The following SLC2A13 variants were observed in gnomAD, a reference collection of about 807,000 sequenced individuals.
SLC2A13 encodes the protein proton myo-inositol cotransporter.
Under a neutral mutation model 64.4 loss-of-function variants are expected in SLC2A13, and 32 were observed. The observed-to-expected ratio is 0.50, with a 90% CI of 0.37 to 0.67. The LOEUF is 0.67. Ranked by LOEUF, SLC2A13 falls within the 30% of genes least tolerant of loss-of-function variation. The pLI, the probability that SLC2A13 is intolerant of heterozygous loss-of-function variation, is 0.00. For missense variants in SLC2A13, 743 were observed against 829.2 expected, an observed-to-expected ratio of 0.90 and a Z score of 1.28; for synonymous variants, 338 against 327.1, an observed-to-expected ratio of 1.03 and a Z score of -0.36.
chr12:40,063,088 C>A (rs946338815), intron 1 of SLC2A13, among the ~76,000 whole-genome samples: 3 of 152,082 alleles, frequency 2.0e-5, no homozygotes, highest in African/African-American at 4.8e-5. Flanking sequence ...TCTATTAATA[C>A]CATTTTCCGG....
intron 6 of SLC2A13, among the ~76,000 whole-genome samples, chr12:39,837,599 A>C (rs1943049157): frequency 6.8e-6 from 1 of 147,898 alleles, no homozygotes; most frequent in Non-Finnish European, 1.5e-5. Context: ...CATCTGACAA[A>C]GGGCTAATAT....
chr12:39,809,628 G>A (rs1942083486), intron 7 of SLC2A13, among the ~76,000 whole-genome samples: 1 of 152,096 alleles, frequency 6.6e-6, no homozygotes, highest in South Asian at 2.1e-4. Context: ...TTAGCATCAG[G>A]TATATCTCCT....
At chr12:39,837,729 C>A (rs1431127519) in intron 6 of SLC2A13, among the ~76,000 whole-genome samples, 1 of 152,184 alleles carries the variant, frequency 6.6e-6, no homozygotes, top group African/African-American at 2.4e-5. Flanking sequence ...AACCAAAAAA[C>A]ACATGAAAAA....
chr12:39,917,066 A>ATAGTGTTT (rs1316312482), intron 4 of SLC2A13, among the ~76,000 whole-genome samples: 17 of 152,254 alleles, frequency 1.1e-4, no homozygotes, highest in South Asian at 4.1e-4. Context: ...CTATGCTGGC[A>ATAGTGTTT]GCAAAACCAA....
intron 3 of SLC2A13, among the ~76,000 whole-genome samples, chr12:39,963,654 G>A (rs1565564613): frequency 6.6e-6 from 1 of 152,122 alleles, no homozygotes; most frequent in African/African-American, 2.4e-5. Context: ...AAGAAATCAA[G>A]TATTCTTGAA....
intron 1 of SLC2A13, among the ~76,000 whole-genome samples, chr12:40,104,625 G>A (rs1001128018): frequency 6.6e-6 from 1 of 152,220 alleles, no homozygotes; most frequent in African/African-American, 2.4e-5. Flanking sequence ...AGAGGAGAAT[G>A]GAATTTACTT....
At chr12:39,813,239 G>C (rs1221965848) in intron 7 of SLC2A13, among the ~76,000 whole-genome samples, 2 of 151,294 alleles carry the variant, frequency 1.3e-5, no homozygotes, top group Non-Finnish European at 2.9e-5. Context: ...TTGTTTCTTA[G>C]CTATCTTAAA....
At chr12:39,796,253 T>G (rs76659626) in intron 7 of SLC2A13, among the ~76,000 whole-genome samples, 2,173 of 151,980 alleles carry the variant, frequency 0.014, 55 homozygotes, top group African/African-American at 0.047. Context: ...CTGATCTGAG[T>G]GTGACCATGT....
At chr12:40,020,996 G>A (rs1003613782) in intron 3 of SLC2A13, among the ~76,000 whole-genome samples, 24 of 151,688 alleles carry the variant, frequency 1.6e-4, no homozygotes, top group Non-Finnish European at 2.8e-4. Context: ...CGGTAAGTGG[G>A]AAAAAAGAGA....
At chr12:39,862,797 C>A (rs1460659360) in intron 6 of SLC2A13, among the ~76,000 whole-genome samples, 2 of 152,092 alleles carry the variant, frequency 1.3e-5, no homozygotes, top group African/African-American at 4.8e-5. Context: ...GTGTAATGAT[C>A]AAATCAGGGT....
chr12:39,966,892 C>G (rs1946527537), intron 3 of SLC2A13, among the ~76,000 whole-genome samples: 1 of 152,136 alleles, frequency 6.6e-6, no homozygotes, highest in Non-Finnish European at 1.5e-5. Context: ...AATCTTTGAA[C>G]ATGACACAAA....
At position 39,944,419 on chromosome 12, in the gene SLC2A13, C is replaced by T. The variant is rs779515201; in HGVS notation, c.1034+6838G>A. ...CTTTGTTGACTTTTTGTCTTGATGA[C>T]CTGTCTAGTGCTGTCAGTGGAGTAC... is the stretch of plus-strand genomic sequence containing the variant. On this transcript the variant is annotated intron_variant, in intron 4 of 9. Coordinates refer to ENST00000280871, the MANE Select transcript of SLC2A13 (RefSeq NM_052885.4). 6.0e-4 allele frequency among the ~76,000 whole-genome samples: 91 copies of T among 152,180 alleles called. 1 individual carries two copies. Among genetic ancestry groups the T allele is most frequent in the Non-Finnish European group, 1.3e-4 (9 of 68,030 alleles).
intron 4 of SLC2A13, chr12:39,907,929 A>G (rs1312424077): frequency 6.9e-6 from 1 of 144,230 alleles, no homozygotes; most frequent in Non-Finnish European, 1.5e-5. Context: ...GGCACTTTCC[A>G]CCTTTACAAC....
At chr12:39,875,353 C>T (rs1416776823) in intron 4 of SLC2A13, among the ~76,000 whole-genome samples, 1 of 152,212 alleles carries the variant, frequency 6.6e-6, no homozygotes, top group East Asian at 1.9e-4. Flanking sequence ...CATGCTACTT[C>T]ACTATGACCT....
At position 40,047,942 on chromosome 12, in the gene SLC2A13, CAAT is replaced by C. The variant is rs1276949296; in HGVS notation, c.716+106_716+108del. On this transcript the variant is annotated intron_variant, in intron 2 of 9. Transcript: ENST00000280871. ...TGAATGTCACCTACTTATAAATTAG[CAAT>C]AATGATTCAAAACACACAGCTATAT... The C allele has an allele frequency of 1.5e-5, 15 of 1,016,536 alleles. No individual in the cohort carries two copies. In the East Asian group the frequency reaches 1.8e-4, roughly 12 times the overall value. The allele number at this position is 1,016,536 out of a possible 1,614,324, so 63.0% of individuals were successfully genotyped here. A position where few individuals can be genotyped will look rare whatever the true frequency, so the allele number is the denominator to read the frequency against.
At position 39,868,335 on chromosome 12, in the gene SLC2A13, TA is replaced by T. The variant is rs543970169; in HGVS notation, c.1199-3454del. Among the ~76,000 whole-genome samples, 29 of 152,296 alleles carry T rather than the reference TA, an allele frequency of 1.9e-4. No homozygotes were observed. The South Asian group carries it at 6.0e-3, about 32-fold the overall frequency. Reference sequence around the variant, plus strand: ...AAAAGTGCTGAATAAATAGCATTATTAAAAATATCTATTGTAATAATCAGTA... The same window carrying T: ...AAAAGTGCTGAATAAATAGCATTATTAAAATATCTATTGTAATAATCAGTA... On this transcript the variant is annotated intron_variant, in intron 5 of 9. Transcript: ENST00000280871.
chr12:40,062,763 AG>A (rs1948444094), intron 1 of SLC2A13, among the ~76,000 whole-genome samples: 1 of 152,160 alleles, frequency 6.6e-6, no homozygotes, highest in Admixed American at 6.5e-5. Context: ...CAAATCTTCG[AG>A]GGTGACATTA....
At chr12:40,038,362 A>T (rs1227042789) in intron 2 of SLC2A13, among the ~76,000 whole-genome samples, 1 of 152,100 alleles carries the variant, frequency 6.6e-6, no homozygotes, top group Non-Finnish European at 1.5e-5. Flanking sequence ...CATATATTTC[A>T]TTTATTTATT....
At chr12:39,779,142 A>G (rs1477483071) in intron 7 of SLC2A13, among the ~76,000 whole-genome samples, 1 of 152,170 alleles carries the variant, frequency 6.6e-6, no homozygotes, top group Non-Finnish European at 1.5e-5. Flanking sequence ...TGGGTGGCCT[A>G]TGGGCGGGGT....
Sources: gnomAD v4.1 joint callset for allele counts (sites outside exome capture counted in the v4.1 genomes callset) on GRCh38, gnomAD v4.1.1 for gene constraint, MANE v1.5 for transcripts, NCBI Gene and HGNC (gene_info 2026-07-23, HGNC 2026-07-21) for gene names.